The following EFHC1 variants were observed in gnomAD, a reference collection of about 807,000 sequenced individuals.
EFHC1 encodes EF-hand domain-containing protein 1.
EFHC1 carries 53 observed loss-of-function variants against 69.9 expected under a neutral mutation model. The ratio of observed to expected loss-of-function variants is 0.76; its 90% CI spans 0.61 to 0.95. EFHC1 has a LOEUF of 0.95. Among genes scored for constraint, EFHC1 ranks in the 40% least tolerant of loss-of-function variants. EFHC1 has a pLI of 0.00. For synonymous variants in EFHC1, 256 were observed against 278.4 expected, an observed-to-expected ratio of 0.92 and a Z score of 0.80; for missense variants, 739 against 798.7, an observed-to-expected ratio of 0.93 and a Z score of 0.90.
intron 9 of EFHC1, 42 bp from the exon 10 acceptor site, chr6:52,490,098 G>T: frequency 1.3e-6 from 2 of 1,579,856 alleles, no homozygotes; most frequent in South Asian, 1.1e-5. Context: ...GACTGATCAA[G>T]AATAAATACC....
intron 7 of EFHC1, among the ~76,000 whole-genome samples, chr6:52,471,917 AT>A (rs1765444421): frequency 1.3e-5 from 2 of 151,238 alleles, no homozygotes; most frequent in South Asian, 2.1e-4. Context: ...TAAAAAAAAA[AT>A]TTTTAAAAAC....
chr6:52,431,647 T>A (rs1764416328), intron 2 of EFHC1, among the ~76,000 whole-genome samples: 1 of 152,156 alleles, frequency 6.6e-6, no homozygotes, highest in African/African-American at 2.4e-5. Context: ...GAGAAAGTTC[T>A]ATGCGCTGTT....
At chr6:52,451,504 G>GTGT (rs1764915750) in intron 3 of EFHC1, among the ~76,000 whole-genome samples, 1 of 152,204 alleles carries the variant, frequency 6.6e-6, no homozygotes, top group Non-Finnish European at 1.5e-5. Context: ...GAGAAGTCCA[G>GTGT]TGTTAGCCTG....
rs1347434465 is a variant in EFHC1, at chr6:52,493,114, T to G, written c.*773T>G. 1 of 453,978 alleles carries G rather than the reference T, an allele frequency of 2.2e-6. No homozygotes were observed. The highest frequency in any genetic ancestry group is 2.3e-5 in the Admixed American group (1 of 42,558). 28.1% of individuals were successfully genotyped at this position (453,978 alleles called of 1,614,324 possible). A position where few individuals can be genotyped will look rare whatever the true frequency, so the allele number is the denominator to read the frequency against. On this transcript the variant is annotated 3_prime_UTR_variant, in exon 11 of 11. Transcript: ENST00000371068. ...TTCCTCCTGCCTGACTGGCTTCAAA[T>G]TGGAACATCAGCCTTTTCTTGCCTT...
At chr6:52,436,866 A>G (rs1370508640) in intron 2 of EFHC1, among the ~76,000 whole-genome samples, 2 of 151,888 alleles carry the variant, frequency 1.3e-5, no homozygotes, top group Non-Finnish European at 2.9e-5. Flanking sequence ...GGTCTCAAAC[A>G]CCTTAACTCA....
At chr6:52,428,749 G>C (rs116091896) in intron 2 of EFHC1, among the ~76,000 whole-genome samples, 2 of 152,064 alleles carry the variant, frequency 1.3e-5, no homozygotes, top group South Asian at 4.1e-4. Flanking sequence ...TTAGTTCTTT[G>C]AGGAATCTTC....
At position 52,495,003 on chromosome 6, in the gene EFHC1, T is replaced by C; in HGVS notation, c.*2662T>C. ...CTCAGAGCCCCGTTTTGGTGAGTTC[T>C]TAGAACTCTTTCCAACCGGAAACTG... is the stretch of plus-strand genomic sequence containing the variant. On this transcript the variant is annotated 3_prime_UTR_variant, in exon 11 of 11. Transcript: ENST00000371068. 1 of 454,100 alleles carries C rather than the reference T, an allele frequency of 2.2e-6. No individual in the cohort carries two copies. 28.1% of individuals were successfully genotyped at this position (454,100 alleles called of 1,614,324 possible).
At chr6:52,490,004 T>G (rs957040203) in intron 9 of EFHC1, 136 bp from the exon 10 acceptor site, 1 of 809,104 alleles carries the variant, frequency 1.2e-6, no homozygotes, top group Non-Finnish European at 2.0e-6. Context: ...GGGCAAGTGT[T>G]CAGTTATTGG....
intron 9 of EFHC1, chr6:52,483,264 C>T (rs1356572928): frequency 6.3e-6 from 1 of 158,014 alleles, no homozygotes; most frequent in Non-Finnish European, 1.4e-5. Context: ...TGGTGGTAAT[C>T]GAAATTCATG....
intron 5 of EFHC1, among the ~76,000 whole-genome samples, chr6:52,463,283 A>G (rs529989018): frequency 1.3e-5 from 2 of 151,838 alleles, no homozygotes; most frequent in East Asian, 3.9e-4. Context: ...CGGCCTCCCA[A>G]AGTGCTGAGA....
At chr6:52,459,835 C>T (rs1023262737) in intron 5 of EFHC1, among the ~76,000 whole-genome samples, 4 of 152,212 alleles carry the variant, frequency 2.6e-5, no homozygotes, top group East Asian at 1.9e-4. Context: ...CCACTACGCC[C>T]GGCTAATTTT....
intron 2 of EFHC1, among the ~76,000 whole-genome samples, chr6:52,429,751 G>A (rs1364950008): frequency 6.6e-6 from 1 of 152,036 alleles, no homozygotes; most frequent in Non-Finnish European, 1.5e-5. Context: ...TATTTTGATG[G>A]GAATTGCATT....
intron 3 of EFHC1, among the ~76,000 whole-genome samples, chr6:52,449,325 GA>G (rs1764863737): frequency 6.6e-6 from 1 of 150,988 alleles, no homozygotes; most frequent in Admixed American, 6.6e-5. Context: ...AGCTTGCAAT[GA>G]GCCGAGATTG....
In EFHC1 at chr6:52,450,685, A is replaced by G. The variant is rs144241886; in HGVS notation, c.574-2003A>G. On this transcript the variant is annotated intron_variant, in intron 3 of 10. Transcript: ENST00000371068. ...ATTTTCTTCTATCCCTTTATTTTGA[A>G]CCTTTGGGTGTCATTGCGTGTGAGA... Among the ~76,000 whole-genome samples, 846 of 151,382 alleles carry G rather than the reference A, an allele frequency of 5.6e-3. 8 individuals are homozygous for G. Among genetic ancestry groups the G allele is most frequent in the African/African-American group, 0.019 (796 of 41,200 alleles).
intron 9 of EFHC1, among the ~76,000 whole-genome samples, chr6:52,484,978 G>A (rs1350389207): frequency 1.3e-5 from 2 of 151,890 alleles, no homozygotes; most frequent in Admixed American, 6.6e-5. Context: ...AGAAAAAATT[G>A]CCAAATATAA....
At position 52,492,539 on chromosome 6, in the gene EFHC1, G is replaced by GT. The variant is rs1765930325; in HGVS notation, c.*199dup. The stretch of plus-strand genomic sequence containing the variant: ...TGGTGCCTTATTTAGGGTGATAGGG[G>GT]TATAGCAATGTCTAATTTTGTGTGT... On this transcript the variant is annotated 3_prime_UTR_variant, in exon 11 of 11. Coordinates refer to ENST00000371068, the MANE Select transcript of EFHC1 (RefSeq NM_018100.4). 1.5e-6 allele frequency: 1 copy of GT among 688,042 alleles called. No homozygotes were observed. The highest frequency in any genetic ancestry group is 2.6e-6 in the Non-Finnish European group (1 of 378,740). 42.6% of individuals were successfully genotyped at this position (688,042 alleles called of 1,614,324 possible). A position where few individuals can be genotyped will look rare whatever the true frequency, so the allele number is the denominator to read the frequency against.
chr6:52,468,774 A>G (rs1169184883), intron 6 of EFHC1: 4 of 158,086 alleles, frequency 2.5e-5, no homozygotes, highest in Non-Finnish European at 4.2e-5. Flanking sequence ...GTCATTTTCC[A>G]TCTGCTAAAT....
chr6:52,424,509 A>G (rs1423997369), intron 2 of EFHC1, among the ~76,000 whole-genome samples: 2 of 152,224 alleles, frequency 1.3e-5, no homozygotes, highest in African/African-American at 4.8e-5. Flanking sequence ...TGTATTCTGT[A>G]ATGGTGACAT....
At chr6:52,478,883 A>C (rs929797863) in intron 7 of EFHC1, among the ~76,000 whole-genome samples, 154 bp from the exon 8 acceptor site, 8 of 152,200 alleles carry the variant, frequency 5.3e-5, no homozygotes, top group Non-Finnish European at 1.0e-4. Flanking sequence ...TTCTTCCCAG[A>C]GACACCAGAG....
Sources: allele counts gnomAD v4.1 joint callset (sites outside exome capture counted in the v4.1 genomes callset), GRCh38; gene constraint gnomAD v4.1.1; transcripts MANE v1.5; gene names NCBI Gene and HGNC (gene_info 2026-07-23, HGNC 2026-07-21).